Variants in FHIT observed in about 807,000 individuals in gnomAD.
FHIT encodes fragile histidine triad diadenosine triphosphatase.
Under a neutral mutation model 17.9 loss-of-function variants are expected in FHIT, and 19 were observed. That is an observed-to-expected ratio of 1.06 (90% CI 0.74 to 1.56). The LOEUF is 1.56. FHIT is among the 40% of genes most tolerant of loss of function. FHIT has a pLI of 0.00. For missense variants in FHIT, 248 were observed against 189.2 expected, an observed-to-expected ratio of 1.31 and a Z score of -1.82; for synonymous variants, 81 against 69.7, an observed-to-expected ratio of 1.16 and a Z score of -0.81.
chr3:60,580,513 C>A (rs1349270808), intron 4 of FHIT, among the ~76,000 whole-genome samples: 1 of 151,952 alleles, frequency 6.6e-6, no homozygotes, highest in African/African-American at 2.4e-5. Flanking sequence ...TTTAATATTT[C>A]ATCTCATTTT....
chr3:60,855,957 AG>A lies in FHIT; in HGVS notation c.-110-33947del, dbSNP rs1703362357. On this transcript the variant is annotated intron_variant, in intron 3 of 9. Coordinates refer to ENST00000492590, the MANE Select transcript of FHIT (RefSeq NM_002012.4). ...CCATGTTATGGAGTGTGAGAGTGTA[AG>A]CTTAAGGAGGCTTTTATTTTGGGGA... is the stretch of plus-strand genomic sequence containing the variant. Among the ~76,000 whole-genome samples, 3 of 152,074 alleles carry A rather than the reference AG, an allele frequency of 2.0e-5. No individual in the cohort carries two copies. The South Asian group carries it at 6.2e-4, about 32-fold the overall frequency.
At chr3:59,986,332 T>C (rs1708900007) in intron 7 of FHIT, among the ~76,000 whole-genome samples, 1 of 151,144 alleles carries the variant, frequency 6.6e-6, no homozygotes, top group African/African-American at 2.4e-5. Context: ...ACACCACATG[T>C]ACAAAGAAGG....
intron 5 of FHIT, among the ~76,000 whole-genome samples, chr3:60,519,659 T>C (rs868411038): frequency 2.0e-5 from 3 of 152,332 alleles, no homozygotes; most frequent in South Asian, 2.1e-4. Flanking sequence ...ATTGATACCA[T>C]AGCTTGACAT....
intron 4 of FHIT, among the ~76,000 whole-genome samples, chr3:60,566,176 A>G (rs1215628978): frequency 6.6e-6 from 1 of 152,108 alleles, no homozygotes; most frequent in Non-Finnish European, 1.5e-5. Flanking sequence ...TTTACTTCCA[A>G]CTAAGTGGTC....
chr3:60,044,621 C>A (rs989137433), intron 5 of FHIT, among the ~76,000 whole-genome samples: 7 of 152,096 alleles, frequency 4.6e-5, no homozygotes, highest in African/African-American at 1.7e-4. Flanking sequence ...ATCTACCAGA[C>A]AAAACTCAAG....
chr3:60,564,619 T>C (rs2107649746), intron 4 of FHIT, among the ~76,000 whole-genome samples: 1 of 152,216 alleles, frequency 6.6e-6, no homozygotes, highest in South Asian at 2.1e-4. Context: ...TGGATGACTT[T>C]GAGGGGTTCA....
At chr3:59,797,839 TTAAA>T in intron 8 of FHIT, among the ~76,000 whole-genome samples, 1 of 152,348 alleles carries the variant, frequency 6.6e-6, no homozygotes, top group Non-Finnish European at 1.5e-5. Flanking sequence ...CTTAAATAGC[TTAAA>T]TAGACATTTT....
intron 1 of FHIT, among the ~76,000 whole-genome samples, chr3:61,207,564 G>A (rs1044591817): frequency 2.9e-4 from 43 of 149,924 alleles, no homozygotes; most frequent in African/African-American, 9.1e-4. Flanking sequence ...GTATGTGTCT[G>A]GGAATTTATC....
intron 5 of FHIT, among the ~76,000 whole-genome samples, chr3:60,157,472 A>G (rs1206988402): frequency 6.6e-6 from 1 of 152,112 alleles, no homozygotes; most frequent in Non-Finnish European, 1.5e-5. Context: ...ATATTCTATG[A>G]TATTCTGAAA....
At chr3:59,968,279 C>T (rs3772467) in intron 7 of FHIT, among the ~76,000 whole-genome samples, 7,178 of 151,994 alleles carry the variant, frequency 0.047, 227 homozygotes, top group Admixed American at 0.098. Context: ...CATACAGTTT[C>T]GATATGATTT....
intron 2 of FHIT, among the ~76,000 whole-genome samples, chr3:61,168,907 T>A (rs900383540): frequency 6.6e-6 from 1 of 150,924 alleles, no homozygotes; most frequent in Non-Finnish European, 1.5e-5. Flanking sequence ...CTATGTGTTA[T>A]AAAATGTCCC....
intron 4 of FHIT, among the ~76,000 whole-genome samples, chr3:60,639,714 G>A (rs992138625): frequency 1.3e-5 from 2 of 152,140 alleles, no homozygotes; most frequent in African/African-American, 4.8e-5. Context: ...GGGGTTATTT[G>A]GGCAGATTAA....
At chr3:60,718,426 C>G (rs1173133186) in intron 4 of FHIT, among the ~76,000 whole-genome samples, 1 of 152,320 alleles carries the variant, frequency 6.6e-6, no homozygotes, top group East Asian at 1.9e-4. Context: ...CAACTCACCC[C>G]TTCCAGACAA....
intron 1 of FHIT, among the ~76,000 whole-genome samples, chr3:61,242,153 A>G (rs1196305346): frequency 6.6e-6 from 1 of 152,342 alleles, no homozygotes; most frequent in South Asian, 2.1e-4. Flanking sequence ...TGCATTTTCT[A>G]TGAGTCAGAA....
At chr3:60,563,541 C>G (rs2037028887) in intron 4 of FHIT, among the ~76,000 whole-genome samples, 1 of 152,310 alleles carries the variant, frequency 6.6e-6, no homozygotes, top group Non-Finnish European at 1.5e-5. Flanking sequence ...TTGGGCCAAA[C>G]AGCCACGCTG....
intron 7 of FHIT, among the ~76,000 whole-genome samples, chr3:59,965,758 T>C (rs1234678506): frequency 6.6e-6 from 1 of 152,220 alleles, no homozygotes; most frequent in Non-Finnish European, 1.5e-5. Flanking sequence ...ACATTTATAT[T>C]AGAATTGATA....
intron 4 of FHIT, among the ~76,000 whole-genome samples, chr3:60,720,833 G>A (rs1716746): frequency 0.96 from 145,802 of 152,206 alleles, 69,907 homozygotes; most frequent in East Asian, 1. Context: ...GAAAGGGGCA[G>A]TAATATGAAT....
At chr3:59,908,894 G>C (rs1316787214) in intron 8 of FHIT, among the ~76,000 whole-genome samples, 1 of 141,010 alleles carries the variant, frequency 7.1e-6, no homozygotes, top group Non-Finnish European at 1.6e-5. Context: ...TGTTATACTT[G>C]GCACTCAAAT....
At chr3:60,964,425 C>G (rs2107509469) in intron 3 of FHIT, among the ~76,000 whole-genome samples, 1 of 152,150 alleles carries the variant, frequency 6.6e-6, no homozygotes, top group East Asian at 1.9e-4. Context: ...GCATTTAGTC[C>G]ATTTACATTT....
Sources: gnomAD v4.1 joint callset for allele counts (sites outside exome capture counted in the v4.1 genomes callset) on GRCh38, gnomAD v4.1.1 for gene constraint, MANE v1.5 for transcripts, NCBI Gene and HGNC (gene_info 2026-07-23, HGNC 2026-07-21) for gene names.